Variants in MPND observed in about 807,000 individuals in gnomAD.
MPND encodes MPN domain containing.
A neutral mutation model predicts 59.2 loss-of-function variants in MPND; 56 were observed. That is an observed-to-expected ratio of 0.95 (90% CI 0.76 to 1.18). MPND has a LOEUF of 1.18. Ranked by LOEUF, MPND falls within the 50% of genes most tolerant of loss-of-function variation. The pLI, the probability that MPND is intolerant of heterozygous loss-of-function variation, is 0.00. For missense variants in MPND, 671 were observed against 676.0 expected, an observed-to-expected ratio of 0.99 and a Z score of 0.08; for synonymous variants, 323 against 291.9, an observed-to-expected ratio of 1.11 and a Z score of -1.09.
Position 4,357,619 on chromosome 19 carries a change from C to T in MPND, c.1236+34C>T, listed in dbSNP as rs748777264. 2.5e-5 allele frequency: 39 copies of T among 1,581,424 alleles called. No individual in the cohort carries two copies. In the South Asian group the frequency reaches 3.0e-4, roughly 12 times the overall value. ...GGCTGTTGGGAGAGCCTGGGGGGCC[C>T]GGGAGCACTGGGGCATTTGGGTCAC... On this transcript the variant is annotated intron_variant, in intron 10 of 12. Coordinates refer to ENST00000599840, the MANE Select transcript of MPND (RefSeq NM_001300862.2).
intron 9 of MPND, 36 bp from the exon 10 acceptor site, chr19:4,357,479 C>T (rs1568400786): frequency 6.2e-7 from 1 of 1,610,640 alleles, no homozygotes. Flanking sequence ...CCAGCCGAGC[C>T]TCCCAGGGCC....
At position 4,355,000 on chromosome 19, in the gene MPND, C is replaced by T. The variant is rs201096146; in HGVS notation, c.898C>T (p.Arg300Cys). The T allele has an allele frequency of 1.4e-5, 21 of 1,501,838 alleles. No homozygotes were observed. Among genetic ancestry groups the T allele is most frequent in the South Asian group, 4.5e-5 (4 of 88,886 alleles). The allele number at this position is 1,501,838 out of a possible 1,614,324, so 93.0% of individuals were successfully genotyped here. Residue 300 changes from arginine (R) to cysteine (C), a missense_variant, in exon 7 of 13, where the codon CGC (arginine) becomes TGC (cysteine). Transcript: ENST00000599840. ...RSEVVGYLGG[R>C]WDVNSQMLTV... Reference sequence around the variant, plus strand: ...TGAGGTCGTGGGTTACCTGGGGGGCCGCTGGGACGTCAACAGCCAGAGTGG... The same window carrying T: ...TGAGGTCGTGGGTTACCTGGGGGGCTGCTGGGACGTCAACAGCCAGAGTGG...
At chr19:4,358,294 G>C in intron 11 of MPND, 122 bp downstream of exon 11, 1 of 828,920 alleles carries the variant, frequency 1.2e-6, no homozygotes, top group East Asian at 2.7e-5. Flanking sequence ...TGGGGGCCTG[G>C]GTTAGGGCTT....
intron 4 of MPND, 102 bp downstream of exon 4, chr19:4,353,131 A>G: frequency 1.0e-6 from 1 of 965,932 alleles, no homozygotes; most frequent in Non-Finnish European, 1.4e-6. Context: ...TAGGGCCCCC[A>G]AGATGGAGAC....
At chr19:4,352,848 G>A in intron 3 of MPND, 49 bp from the exon 4 acceptor site, 1 of 1,312,414 alleles carries the variant, frequency 7.6e-7, no homozygotes, top group Non-Finnish European at 9.8e-7. Context: ...GAGCGGGGGG[G>A]CACCCAGCTG....
At chr19:4,359,745 G>T (rs549787241) in intron 12 of MPND, among the ~76,000 whole-genome samples, 171 bp from the exon 13 acceptor site, 4 of 152,124 alleles carry the variant, frequency 2.6e-5, no homozygotes, top group Admixed American at 6.5e-5. Flanking sequence ...CCAGGCCCTC[G>T]GTTACATACT....
chr19:4,344,510 C>T (rs548123040), intron 2 of MPND, among the ~76,000 whole-genome samples: 1 of 152,082 alleles, frequency 6.6e-6, no homozygotes, highest in Admixed American at 6.6e-5. Context: ...GTGGGGAGGA[C>T]GTAGATTACC....
At position 4,352,971 on chromosome 19, in the gene MPND, A is replaced by G. The variant is rs759966229; in HGVS notation, c.606A>G (p.Ser202=). 2 of 1,387,668 alleles carry G rather than the reference A, an allele frequency of 1.4e-6. No homozygotes were observed. The highest frequency in any genetic ancestry group is 4.0e-5 in the South Asian group (2 of 50,390). The allele number at this position is 1,387,668 out of a possible 1,614,324, so 86.0% of individuals were successfully genotyped here. A position where few individuals can be genotyped will look rare whatever the true frequency, so the allele number is the denominator to read the frequency against. The change falls in exon 4 of 13, where the codon TCA becomes TCG. Residue 202 remains serine (S), a synonymous_variant. Coordinates refer to ENST00000599840, the MANE Select transcript of MPND (RefSeq NM_001300862.2). ...AGGAGGACGTTCTGGCAGGGGTCTC[A>G]GCAGAGGACAAGAGTCGGAGACCAC... ...EEEEDVLAGV[S]AEDKSRRPLG...
In MPND at chr19:4,355,093, A is replaced by C. The variant is rs779688687; in HGVS notation, c.920-4A>C. 3.7e-6 allele frequency: 6 copies of C among 1,613,808 alleles called. No individual in the cohort carries two copies. The Admixed American group carries it at 6.7e-5, about 18-fold the overall frequency. The stretch of plus-strand genomic sequence containing the variant: ...CACGGGGTCACAGCTGCCCCTCCCC[A>C]CAGTGCTGACGGTGCTCAGAGCCTT... On this transcript the variant is annotated splice_polypyrimidine_tract_variant and splice_region_variant and intron_variant, in intron 7 of 12. Transcript: ENST00000599840.
At position 4,352,950 on chromosome 19, in the gene MPND, G is replaced by A; in HGVS notation, c.585G>A (p.Glu195=). ...AGTTGCTGATGGAAGAGGAGGAGGA[G>A]GACGTTCTGGCAGGGGTCTCAGCAG... The part of the protein sequence containing the change: ...EEELLMEEEE[E]DVLAGVSAED... Residue 195 remains glutamate, a synonymous_variant, in exon 4 of 13, where the codon GAG becomes GAA. Coordinates refer to ENST00000599840, the MANE Select transcript of MPND (RefSeq NM_001300862.2). The A allele has an allele frequency of 1.4e-6, 2 of 1,406,386 alleles. No homozygotes were observed. The highest frequency in any genetic ancestry group is 2.5e-5 in the Admixed American group (1 of 39,286). 87.1% of individuals were successfully genotyped at this position (1,406,386 alleles called of 1,614,324 possible).
At chr19:4,357,620 G>A (rs770352198) in intron 10 of MPND, 35 bp downstream of exon 10, 15 of 1,575,728 alleles carry the variant, frequency 9.5e-6, no homozygotes, top group South Asian at 2.3e-5. Context: ...TGGGGGGCCC[G>A]GGAGCACTGG....
chr19:4,355,336 CT>C (rs3048292), intron 8 of MPND, among the ~76,000 whole-genome samples, 163 bp downstream of exon 8: 78 of 124,436 alleles, frequency 6.3e-4, no homozygotes, highest in Non-Finnish European at 7.9e-4. Context: ...AAGAACACTG[CT>C]TTTTTTTTTT....
chr19:4,346,160 G>C (rs1239948983), intron 3 of MPND, among the ~76,000 whole-genome samples, 179 bp downstream of exon 3: 1 of 152,206 alleles, frequency 6.6e-6, no homozygotes, highest in East Asian at 1.9e-4. Context: ...AGGGGACATG[G>C]GAGCTTGGGC....
intron 1 of MPND, 25 bp from the exon 2 acceptor site, chr19:4,343,683 C>A: frequency 9.3e-7 from 1 of 1,074,780 alleles, no homozygotes; most frequent in Non-Finnish European, 1.2e-6. Context: ...CGAGCGGCCT[C>A]CCTGCAGCCT....
In MPND at chr19:4,345,986, G is replaced by T; in HGVS notation, c.531+5G>T. The T allele has an allele frequency of 6.2e-7, 1 of 1,607,866 alleles. No homozygotes were observed. Among genetic ancestry groups the T allele is most frequent in the Non-Finnish European group, 8.5e-7 (1 of 1,177,062 alleles). On this transcript the variant is annotated splice_donor_5th_base_variant and intron_variant, in intron 3 of 12. Coordinates refer to ENST00000599840, the MANE Select transcript of MPND (RefSeq NM_001300862.2). ...CCTGCCACGGCTGCTGATGAGGTAC[G>T]TGCTGCAGCCTCCTCCAGGAAGCCG...
Position 4,359,218 on chromosome 19 carries a change from C to T in MPND, c.1382C>T (p.Pro461Leu). 2.5e-6 allele frequency: 4 copies of T among 1,613,168 alleles called. No individual in the cohort carries two copies. The South Asian group carries it at 4.4e-5, about 18-fold the overall frequency. Residue 461 changes from proline (P) to leucine (L), a missense_variant, in exon 12 of 13, where the codon CCC becomes CTC. By Grantham distance (98) the Pro-to-Leu change is moderately conservative. Transcript: ENST00000599840. ...GSPDLVRLQEPWSQEHTYLDK... is the reference protein window; with the variant it reads ...GSPDLVRLQELWSQEHTYLDK... The stretch of plus-strand genomic sequence containing the variant: ...CCTGACCTCGTGAGGCTCCAGGAAC[C>T]CTGGAGCCAGGAGCACACCTACCTC...
intron 2 of MPND, among the ~76,000 whole-genome samples, chr19:4,344,297 GC>G (rs957700423): frequency 3.4e-5 from 5 of 148,724 alleles, no homozygotes; most frequent in African/African-American, 5.0e-5. Flanking sequence ...GGCAGGAAGA[GC>G]CCCGGTGTGA....
intron 3 of MPND, 136 bp from the exon 4 acceptor site, chr19:4,352,757 GCTCC>G: frequency 5.3e-6 from 4 of 751,908 alleles, no homozygotes; most frequent in Non-Finnish European, 7.5e-6. Flanking sequence ...GGCCTTCTCT[GCTCC>G]CTCCCTCCCT....
chr19:4,357,689 G>C, intron 10 of MPND, 104 bp downstream of exon 10: 1 of 1,193,738 alleles, frequency 8.4e-7, no homozygotes, highest in Non-Finnish European at 1.2e-6. Flanking sequence ...GGAGAGTTGG[G>C]GCCCCAGTTT....
Sources: gnomAD v4.1 joint callset for allele counts (sites outside exome capture counted in the v4.1 genomes callset) on GRCh38, gnomAD v4.1.1 for gene constraint, MANE v1.5 for transcripts, NCBI Gene and HGNC (gene_info 2026-07-23, HGNC 2026-07-21) for gene names.